TSPAN31: variants seen among roughly 807,000 people sequenced by gnomAD.
The protein encoded by TSPAN31 is tetraspanin 31.
A neutral mutation model predicts 24.8 loss-of-function variants in TSPAN31; 16 were observed. That is an observed-to-expected ratio of 0.64 (90% CI 0.44 to 0.98). The LOEUF (loss-of-function observed/expected upper bound fraction) is 0.98, where lower values mean the gene tolerates loss of function less well. Among genes scored for constraint, TSPAN31 ranks in the 50% least tolerant of loss-of-function variants. TSPAN31 has a pLI of 0.00. For synonymous variants in TSPAN31, 87 were observed against 91.4 expected (o/e 0.95, Z 0.27); for missense variants, 209 against 251.6 (o/e 0.83, Z 1.15).
In TSPAN31 at chr12:57,749,299, T is replaced by C; in HGVS notation, c.*2009T>C. 6.2e-7 allele frequency: 1 copy of C among 1,614,230 alleles called. No individual in the cohort carries two copies. The highest frequency in any genetic ancestry group is 1.3e-5 in the African/African-American group (1 of 75,070). On this transcript the variant is annotated 3_prime_UTR_variant, in exon 6 of 6. Coordinates refer to ENST00000257910, the MANE Select transcript of TSPAN31 (RefSeq NM_005981.5). ...ATACATCTCGAGGCCAGTCATCCTCTGGAGGCAGCCCAATCAGGCTGTGGG... is the reference window on the plus strand; with the variant it reads ...ATACATCTCGAGGCCAGTCATCCTCCGGAGGCAGCCCAATCAGGCTGTGGG...
intron 3 of TSPAN31, 163 bp from the exon 4 acceptor site, chr12:57,746,426 G>A (rs776316263): frequency 1.7e-6 from 2 of 1,154,830 alleles, no homozygotes; most frequent in South Asian, 1.3e-5. Flanking sequence ...TTTCCATGAG[G>A]ATGATCTAGA....
In TSPAN31 at chr12:57,749,028, C is replaced by A; in HGVS notation, c.*1738C>A. On this transcript the variant is annotated 3_prime_UTR_variant, in exon 6 of 6. Transcript: ENST00000257910. ...GCCAGGATGGGTTCTCTTCTATATC[C>A]TTCTCTGTGGGTGGCTATTTGCAGC... The A allele has an allele frequency of 1.0e-6, 1 of 992,038 alleles. No individual in the cohort carries two copies. The highest frequency in any genetic ancestry group is 1.6e-6 in the Non-Finnish European group (1 of 632,970). 61.5% of individuals were successfully genotyped at this position (992,038 alleles called of 1,614,324 possible).
intron 1 of TSPAN31, 77 bp from the exon 2 acceptor site, chr12:57,745,668 T>A: frequency 6.4e-7 from 1 of 1,555,726 alleles, no homozygotes; most frequent in East Asian, 2.3e-5. Context: ...CCTGCCCCGC[T>A]CCCAAGTCCT....
In TSPAN31 at chr12:57,749,305, C is replaced by T. The variant is rs2227953; in HGVS notation, c.*2015C>T. 1,967 of 1,614,202 alleles carry T rather than the reference C, an allele frequency of 1.2e-3. 31 individuals are homozygous for T. In the African/African-American group the frequency reaches 0.022, roughly 18 times the overall value. On this transcript the variant is annotated 3_prime_UTR_variant, in exon 6 of 6. Transcript: ENST00000257910. The stretch of plus-strand genomic sequence containing the variant: ...CTCGAGGCCAGTCATCCTCTGGAGG[C>T]AGCCCAATCAGGCTGTGGGGGACAG...
Position 57,745,105 on chromosome 12 carries a change from T to C in TSPAN31, c.-50T>C. ...CGGGGTCCTGGAAGACGGTCCCCAATACCCTCCCCCCAAGTCCTTGGGACC... is the reference window on the plus strand; with the variant it reads ...CGGGGTCCTGGAAGACGGTCCCCAACACCCTCCCCCCAAGTCCTTGGGACC... On this transcript the variant is annotated 5_prime_UTR_variant, in exon 1 of 6. Transcript: ENST00000257910. 6.5e-7 allele frequency: 1 copy of C among 1,540,986 alleles called. No homozygotes were observed. Among genetic ancestry groups the C allele is most frequent in the South Asian group, 1.2e-5 (1 of 84,806 alleles).
Position 57,749,572 on chromosome 12 carries a change from A to T in TSPAN31, c.*2282A>T. The T allele has an allele frequency of 6.8e-7, 1 of 1,465,854 alleles. No homozygotes were observed. Among genetic ancestry groups the T allele is most frequent in the Non-Finnish European group, 9.5e-7 (1 of 1,047,392 alleles). The allele number at this position is 1,465,854 out of a possible 1,614,324, so 90.8% of individuals were successfully genotyped here. Reference sequence around the variant, plus strand: ...TATCTTAGTTGAATGGTTACTGCTTAGTGGCTCAAAATAGGAAGTATAGGG... The same window carrying T: ...TATCTTAGTTGAATGGTTACTGCTTTGTGGCTCAAAATAGGAAGTATAGGG... On this transcript the variant is annotated 3_prime_UTR_variant, in exon 6 of 6. Transcript: ENST00000257910.
Position 57,749,224 on chromosome 12 carries a change from C to G in TSPAN31, c.*1934C>G, listed in dbSNP as rs3211622. 6.2e-7 allele frequency: 1 copy of G among 1,614,044 alleles called. No homozygotes were observed. Among genetic ancestry groups the G allele is most frequent in the Non-Finnish European group, 8.5e-7 (1 of 1,179,898 alleles). On this transcript the variant is annotated 3_prime_UTR_variant, in exon 6 of 6. Transcript: ENST00000257910. ...CCGACTCCTCCATCTCAGGTACCAC[C>G]GACTGCACTGGGCGGGGCCCTCTGG... is the stretch of plus-strand genomic sequence containing the variant.
In TSPAN31 at chr12:57,747,340, C is replaced by T. The variant is rs1280411402; in HGVS notation, c.*50C>T. On this transcript the variant is annotated 3_prime_UTR_variant, in exon 6 of 6. Coordinates refer to ENST00000257910, the MANE Select transcript of TSPAN31 (RefSeq NM_005981.5). The stretch of plus-strand genomic sequence containing the variant: ...TTCTGCTCTCTCTAAGCTTTCTCTT[C>T]CTCCCTTAGGGAATATCTAGGGTCT... The T allele has an allele frequency of 6.4e-7, 1 of 1,559,540 alleles. No individual in the cohort carries two copies. Among genetic ancestry groups the T allele is most frequent in the Non-Finnish European group, 8.8e-7 (1 of 1,132,674 alleles).
Position 57,747,372 on chromosome 12 carries a change from GT to G in TSPAN31, c.*86del. On this transcript the variant is annotated 3_prime_UTR_variant, in exon 6 of 6. Transcript: ENST00000257910. ...TAGGGAATATCTAGGGTCTGTAACC[GT>G]TTTGGTTTGAGAAAAAGGAAAGGCC... The G allele has an allele frequency of 7.4e-7, 1 of 1,353,140 alleles. No homozygotes were observed. Among genetic ancestry groups the G allele is most frequent in the Non-Finnish European group, 1.0e-6 (1 of 976,910 alleles). The allele number at this position is 1,353,140 out of a possible 1,614,324, so 83.8% of individuals were successfully genotyped here. A position where few individuals can be genotyped will look rare whatever the true frequency, so the allele number is the denominator to read the frequency against.
At position 57,748,995 on chromosome 12, in the gene TSPAN31, C is replaced by G; in HGVS notation, c.*1705C>G. On this transcript the variant is annotated 3_prime_UTR_variant, in exon 6 of 6. Transcript: ENST00000257910. ...TGCTGGGATTACAGGCGTGAGCCAC[C>G]GTGCCCAGCCAGGATGGGTTCTCTT... 3 of 761,340 alleles carry G rather than the reference C, an allele frequency of 3.9e-6. No individual in the cohort carries two copies. In the South Asian group the frequency reaches 5.0e-5, roughly 13 times the overall value. 47.2% of individuals were successfully genotyped at this position (761,340 alleles called of 1,614,324 possible).
intron 3 of TSPAN31, 58 bp downstream of exon 3, chr12:57,746,314 G>C (rs771596171): frequency 6.7e-7 from 1 of 1,494,544 alleles, no homozygotes; most frequent in Non-Finnish European, 9.3e-7. Flanking sequence ...TCTTAACCTC[G>C]AACTCCTTCC....
In TSPAN31 at chr12:57,746,196, G is replaced by A; in HGVS notation, c.252G>A (p.Leu84=). 1 of 1,614,044 alleles carries A rather than the reference G, an allele frequency of 6.2e-7. No individual in the cohort carries two copies. ...CTCAGTACATGATCATCCTTGGTTT[G>A]GTCTTCATCTTCCAATTTGTAATCT... ...LLFFYMIILG[L]VFIFQFVISC... The change falls in exon 3 of 6, where the codon TTG becomes TTA. Residue 84 remains leucine (L), a synonymous_variant. Coordinates refer to ENST00000257910, the MANE Select transcript of TSPAN31 (RefSeq NM_005981.5).
rs1955203177 is a variant in TSPAN31 at position 57,749,324 on chromosome 12, G to A, written c.*2034G>A. On this transcript the variant is annotated 3_prime_UTR_variant, in exon 6 of 6. Transcript: ENST00000257910. ...TGGAGGCAGCCCAATCAGGCTGTGGGGGACAGGAGAACTCTGGTCAGGAGG... is the reference window on the plus strand; with the variant it reads ...TGGAGGCAGCCCAATCAGGCTGTGGAGGACAGGAGAACTCTGGTCAGGAGG... The A allele has an allele frequency of 2.5e-6, 4 of 1,614,184 alleles. No individual in the cohort carries two copies. Among genetic ancestry groups the A allele is most frequent in the Middle Eastern group, 1.6e-4 (1 of 6,062 alleles).
intron 3 of TSPAN31, 120 bp downstream of exon 3, chr12:57,746,376 C>A: frequency 8.6e-7 from 1 of 1,161,256 alleles, no homozygotes; most frequent in Non-Finnish European, 1.3e-6. Flanking sequence ...CTGCTTCTGG[C>A]CTCTTGGGCT....
rs771131271 is a variant in TSPAN31 at position 57,748,694 on chromosome 12, C to T, written c.*1404C>T. The T allele has an allele frequency of 2.0e-5, 19 of 935,692 alleles. No individual in the cohort carries two copies. The highest frequency in any genetic ancestry group is 2.6e-5 in the Non-Finnish European group (15 of 581,268). The allele number at this position is 935,692 out of a possible 1,614,324, so 58.0% of individuals were successfully genotyped here. On this transcript the variant is annotated 3_prime_UTR_variant, in exon 6 of 6. Coordinates refer to ENST00000257910, the MANE Select transcript of TSPAN31 (RefSeq NM_005981.5). ...CACCCACAACAATACCTGGGATGAG[C>T]TTTCTTCTTTTTTCTTTTTTTTTTT...
Position 57,747,295 on chromosome 12 carries a change from T to C in TSPAN31, c.*5T>C. On this transcript the variant is annotated 3_prime_UTR_variant, in exon 6 of 6. Transcript: ENST00000257910. ...AACCCCAGTGCCTTTCTATGAGACT[T>C]TGGATCCTTCTGACTTTTCTTCTGC... 1.2e-6 allele frequency: 2 copies of C among 1,613,812 alleles called. No individual in the cohort carries two copies. The highest frequency in any genetic ancestry group is 1.7e-6 in the Non-Finnish European group (2 of 1,179,762).
rs1955156836 is a variant in TSPAN31, at chr12:57,746,627, C to T, written c.351C>T (p.Asn117=). The change falls in exon 4 of 6, where the codon AAC becomes AAT. Residue 117 remains asparagine, a synonymous_variant. Transcript: ENST00000257910. ...ATGCTTCTTGGTGGGTCATGAGCAA[C>T]AAGACTCGGGATGAACTGGAAAGAA... ...VINASWWVMS[N]KTRDELERSF... is the part of the protein sequence containing the mutation. The T allele has an allele frequency of 6.2e-6, 10 of 1,613,992 alleles. No individual in the cohort carries two copies. The South Asian group carries it at 8.8e-5, about 14-fold the overall frequency.
intron 2 of TSPAN31, 123 bp from the exon 3 acceptor site, chr12:57,746,053 G>A (rs1955144967): frequency 2.1e-6 from 3 of 1,448,200 alleles, no homozygotes; most frequent in African/African-American, 2.8e-5. Flanking sequence ...CGAAACAAGA[G>A]CTGATTTTAT....
At position 57,749,121 on chromosome 12, in the gene TSPAN31, C is replaced by T. The variant is rs1480993411; in HGVS notation, c.*1831C>T. The T allele has an allele frequency of 1.2e-6, 2 of 1,605,924 alleles. No homozygotes were observed. Among genetic ancestry groups the T allele is most frequent in the Non-Finnish European group, 1.7e-6 (2 of 1,172,640 alleles). On this transcript the variant is annotated 3_prime_UTR_variant, in exon 6 of 6. Transcript: ENST00000257910. ...ACCACAGTGGCCAGGGCCCTGCATA[C>T]TGCTCTATTTCTTTCCCCAGTCTCT...
Sources: gnomAD v4.1 joint callset for allele counts on GRCh38, gnomAD v4.1.1 for gene constraint, MANE v1.5 for transcripts, NCBI Gene and HGNC (gene_info 2026-07-23, HGNC 2026-07-21) for gene names.